PRKG1: variants seen among roughly 807,000 people sequenced by gnomAD.
PRKG1 encodes cGMP-dependent protein kinase 1.
Under a neutral mutation model 88.1 loss-of-function variants are expected in PRKG1, and 35 were observed. The ratio of observed to expected loss-of-function variants is 0.40; its 90% CI spans 0.30 to 0.53. The LOEUF (loss-of-function observed/expected upper bound fraction) is 0.53, where lower values mean the gene tolerates loss of function less well. Among genes scored for constraint, PRKG1 ranks in the 20% least tolerant of loss-of-function variants. The pLI, the probability that PRKG1 is intolerant of heterozygous loss-of-function variation, is 0.59. For missense variants in PRKG1, 540 were observed against 839.8 expected, an observed-to-expected ratio of 0.64 and a Z score of 4.41; for synonymous variants, 303 against 292.5, an observed-to-expected ratio of 1.04 and a Z score of -0.37.
chr10:51,551,617 G>A (rs61849849), intron 3 of PRKG1, among the ~76,000 whole-genome samples: 8,299 of 151,724 alleles, frequency 0.055, 343 homozygotes, highest in Middle Eastern at 0.085. Context: ...TGAGATGGAA[G>A]GATTCAATTT....
Position 50,991,665 on chromosome 10 carries a change from C to A in PRKG1, c.266+21C>A. On this transcript the variant is annotated intron_variant, in intron 1 of 17. Transcript: ENST00000401604. This position sits in a 1 kb window ranked among gnomAD's most constrained non-coding sequence, Gnocchi z 4.5. Reference sequence around the variant, plus strand: ...GAAAGGTAGGCGCGGAGGCCGTGGGCCCGGGCGCTCGTCCCGGCCCGCGGC... The same window carrying A: ...GAAAGGTAGGCGCGGAGGCCGTGGGACCGGGCGCTCGTCCCGGCCCGCGGC... 1 of 1,460,824 alleles carries A rather than the reference C, an allele frequency of 6.8e-7. No individual in the cohort carries two copies. The highest frequency in any genetic ancestry group is 9.1e-7 in the Non-Finnish European group (1 of 1,102,044). 90.5% of individuals were successfully genotyped at this position (1,460,824 alleles called of 1,614,324 possible). A position where few individuals can be genotyped will look rare whatever the true frequency, so the allele number is the denominator to read the frequency against.
chr10:51,600,709 G>A (rs1435389075), intron 3 of PRKG1, among the ~76,000 whole-genome samples: 1 of 152,056 alleles, frequency 6.6e-6, no homozygotes, highest in African/African-American at 2.4e-5. Flanking sequence ...TACACTTACA[G>A]CACACCTCAC....
At chr10:51,188,715 T>C (rs1020183903) in intron 2 of PRKG1, among the ~76,000 whole-genome samples, 1 of 151,954 alleles carries the variant, frequency 6.6e-6, no homozygotes, top group African/African-American at 2.4e-5. Flanking sequence ...GTGGTGGGTA[T>C]CCTAAGTGTA....
intron 8 of PRKG1, among the ~76,000 whole-genome samples, chr10:52,158,551 C>G: frequency 6.6e-6 from 1 of 151,730 alleles, no homozygotes; most frequent in South Asian, 2.1e-4. Context: ...TCTTAAATTA[C>G]TCATTGATCA....
intron 3 of PRKG1, among the ~76,000 whole-genome samples, chr10:51,529,687 A>G (rs1193451475): frequency 1.9e-5 from 2 of 107,524 alleles, no homozygotes; most frequent in Admixed American, 2.3e-4. Context: ...ACACACACAC[A>G]CACGCTCCTC....
chr10:51,218,532 A>ATATATAT lies in PRKG1; in HGVS notation c.478+65202_478+65203insTATATAT, dbSNP rs61030217. On this transcript the variant is annotated intron_variant, in intron 2 of 17. Coordinates refer to ENST00000373980, the MANE Select transcript of PRKG1 (RefSeq NM_006258.4). ...ATATATATATATATATATATATATA[A>ATATATAT]AATGTGTGTATTTGGCATTTATATA... is the stretch of plus-strand genomic sequence containing the variant. 1.4e-3 allele frequency among the ~76,000 whole-genome samples: 68 copies of ATATATAT among 49,396 alleles called. 2 individuals carry two copies. Among genetic ancestry groups the ATATATAT allele is most frequent in the Non-Finnish European group, 1.9e-3 (54 of 28,486 alleles). 32.4% of individuals were successfully genotyped at this position (49,396 alleles called of 152,430 possible).
At chr10:51,050,966 T>G (rs1432064678) in intron 1 of PRKG1, among the ~76,000 whole-genome samples, 1 of 152,180 alleles carries the variant, frequency 6.6e-6, no homozygotes, top group South Asian at 2.1e-4. Context: ...GAAATGTCTC[T>G]TCAAGTCCTT....
chr10:51,164,664 A>C (rs893207200), intron 2 of PRKG1, among the ~76,000 whole-genome samples: 1 of 152,126 alleles, frequency 6.6e-6, no homozygotes, highest in Non-Finnish European at 1.5e-5. Flanking sequence ...AATTTAGACG[A>C]ATGTATAACT....
At chr10:51,101,572 T>A (rs529846116) in intron 1 of PRKG1, among the ~76,000 whole-genome samples, 1 of 152,296 alleles carries the variant, frequency 6.6e-6, no homozygotes, top group East Asian at 1.9e-4. Flanking sequence ...ATGACATGAT[T>A]TCTAGTTAGC....
At chr10:52,043,795 C>CAA (rs1845801947) in intron 5 of PRKG1, among the ~76,000 whole-genome samples, 2 of 150,438 alleles carry the variant, frequency 1.3e-5, no homozygotes, top group African/African-American at 4.9e-5. Flanking sequence ...TCACATTTTA[C>CAA]TTCATAAATA....
At chr10:51,336,942 C>T (rs906529785) in intron 2 of PRKG1, among the ~76,000 whole-genome samples, 3 of 152,092 alleles carry the variant, frequency 2.0e-5, no homozygotes, top group Non-Finnish European at 2.9e-5. Flanking sequence ...AAACAGAGCT[C>T]GTATAGCCAA....
At chr10:52,021,671 T>C (rs1845188889) in intron 5 of PRKG1, among the ~76,000 whole-genome samples, 1 of 152,200 alleles carries the variant, frequency 6.6e-6, no homozygotes, top group Non-Finnish European at 1.5e-5. Context: ...ACTTTATGTT[T>C]CATATAATAT....
At chr10:51,751,552 C>T (rs181506671) in intron 3 of PRKG1, among the ~76,000 whole-genome samples, 1 of 152,184 alleles carries the variant, frequency 6.6e-6, no homozygotes. Flanking sequence ...TTTGGATAAG[C>T]AACAAATAAT....
rs539072651 is a variant in PRKG1, at chr10:51,321,117, A to G, written c.479-146606A>G. On this transcript the variant is annotated intron_variant, in intron 2 of 17. Coordinates refer to ENST00000373980, the MANE Select transcript of PRKG1 (RefSeq NM_006258.4). ...TTTTTGTGTGTATATGGTGCAATTC[A>G]GTGCTTTTCCACAAATGATTCAATG... 2.0e-5 allele frequency among the ~76,000 whole-genome samples: 3 copies of G among 152,286 alleles called. No homozygotes were observed. In the South Asian group the frequency reaches 6.2e-4, roughly 32 times the overall value.
chr10:51,384,563 C>T (rs1837198539), intron 2 of PRKG1, among the ~76,000 whole-genome samples: 1 of 152,128 alleles, frequency 6.6e-6, no homozygotes, highest in Non-Finnish European at 1.5e-5. Flanking sequence ...AATTGTTTCA[C>T]TTCTACAATT....
At chr10:51,332,258 G>T (rs1841760037) in intron 2 of PRKG1, among the ~76,000 whole-genome samples, 1 of 152,140 alleles carries the variant, frequency 6.6e-6, no homozygotes, top group South Asian at 2.1e-4. Flanking sequence ...GGTAGAATGA[G>T]GTCCTAATGA....
chr10:52,229,642 T>C (rs1353058210), intron 9 of PRKG1, among the ~76,000 whole-genome samples: 1 of 152,214 alleles, frequency 6.6e-6, no homozygotes, highest in Non-Finnish European at 1.5e-5. Context: ...TGGATTATGA[T>C]GCCTGTTGCC....
At chr10:51,151,671 G>C (rs543468204) in intron 1 of PRKG1, among the ~76,000 whole-genome samples, 1 of 151,336 alleles carries the variant, frequency 6.6e-6, no homozygotes, top group East Asian at 1.9e-4. Flanking sequence ...TTTCCTCCAT[G>C]CCATTAACAC....
intron 3 of PRKG1, among the ~76,000 whole-genome samples, chr10:51,555,575 C>T (rs10762225): frequency 0.26 from 40,210 of 151,842 alleles, 7,353 homozygotes; most frequent in East Asian, 0.87. Flanking sequence ...TCTGCTTTAT[C>T]GGGTTTTACA....
Sources: gnomAD v4.1 joint callset for allele counts (sites outside exome capture counted in the v4.1 genomes callset) on GRCh38, gnomAD v4.1.1 for gene constraint, Gnocchi (gnomAD v3.1) non-coding constraint, MANE v1.5 for transcripts, NCBI Gene and HGNC (gene_info 2026-07-23, HGNC 2026-07-21) for gene names.